Variants in SCN1A observed in about 807,000 individuals in gnomAD.
The protein encoded by SCN1A is sodium channel protein type 1 subunit alpha.
A neutral mutation model predicts 193.7 loss-of-function variants in SCN1A; 13 were observed. The observed-to-expected ratio is 0.07, with a 90% CI of 0.04 to 0.11. The LOEUF (loss-of-function observed/expected upper bound fraction) is 0.11. Among genes scored for constraint, SCN1A ranks in the 10% least tolerant of loss-of-function variants. The pLI is 1.00. For synonymous variants in SCN1A, 781 were observed against 843.6 expected (o/e 0.93, Z 1.29); for missense variants, 1,432 against 2,451.1 (o/e 0.58, Z 8.78).
chr2:166,072,876 C>A (rs1051685518), intron 4 of SCN1A, among the ~76,000 whole-genome samples: 1 of 120,440 alleles, frequency 8.3e-6, no homozygotes. Context: ...CTTGCTCTGT[C>A]TCCAGGCTGG....
chr2:166,073,746 C>T, intron 3 of SCN1A, 76 bp from the exon 4 acceptor site: 2 of 1,103,414 alleles, frequency 1.8e-6, no homozygotes, highest in Middle Eastern at 2.8e-4. Flanking sequence ...TGTCATGAAA[C>T]ATGAGCTAGA....
At chr2:166,002,281 C>G (rs1382383618) in intron 24 of SCN1A, among the ~76,000 whole-genome samples, 191 bp downstream of exon 24, 1 of 151,780 alleles carries the variant, frequency 6.6e-6, no homozygotes, top group African/African-American at 2.4e-5. Flanking sequence ...TCACTACTGA[C>G]TATATCTGCA....
intron 24 of SCN1A, among the ~76,000 whole-genome samples, chr2:166,001,005 C>T (rs1468681918): frequency 6.7e-6 from 1 of 148,892 alleles, no homozygotes; most frequent in African/African-American, 2.5e-5. Flanking sequence ...TTTAATTTTT[C>T]TTTCCTCAAA....
chr2:166,064,511 A>G (rs1352606864), intron 4 of SCN1A, among the ~76,000 whole-genome samples: 3 of 152,140 alleles, frequency 2.0e-5, no homozygotes, highest in Non-Finnish European at 4.4e-5. Context: ...TTATGTTATA[A>G]TGATTTGGTA....
At chr2:166,046,004 A>G (rs1281848719) in intron 12 of SCN1A, among the ~76,000 whole-genome samples, 1 of 152,200 alleles carries the variant, frequency 6.6e-6, no homozygotes, top group Non-Finnish European at 1.5e-5. Flanking sequence ...TTTTGATTAT[A>G]GCTTGTACTG....
chr2:166,074,450 T>C (rs2105988298), intron 3 of SCN1A, among the ~76,000 whole-genome samples: 1 of 137,442 alleles, frequency 7.3e-6, no homozygotes, highest in African/African-American at 2.9e-5. Context: ...GAAGTCAGGG[T>C]GCCATAAACT....
intron 11 of SCN1A, 25 bp downstream of exon 11, chr2:166,047,602 G>C: frequency 1.2e-6 from 2 of 1,612,186 alleles, no homozygotes; most frequent in Non-Finnish European, 1.7e-6. Flanking sequence ...TACTTAAATG[G>C]AGAGTGTGGC....
intron 16 of SCN1A, among the ~76,000 whole-genome samples, chr2:166,039,853 C>T: frequency 6.7e-6 from 1 of 149,500 alleles, no homozygotes; most frequent in East Asian, 2.0e-4. Context: ...GGTGAAATGG[C>T]TTGCTTGATA....
chr2:166,089,097 C>T (rs1172506404), intron 2 of SCN1A, among the ~76,000 whole-genome samples: 1 of 152,060 alleles, frequency 6.6e-6, no homozygotes, highest in African/African-American at 2.4e-5. Flanking sequence ...TATACACGTG[C>T]CTTGGTGGTT....
intron 14 of SCN1A, 104 bp downstream of exon 14, chr2:166,043,565 C>T (rs763105443): frequency 5.1e-5 from 67 of 1,319,460 alleles, no homozygotes; most frequent in Non-Finnish European, 6.6e-5. Context: ...GCATTCACAG[C>T]GTGACCAACC....
chr2:166,063,033 G>C (rs909680689), intron 4 of SCN1A, among the ~76,000 whole-genome samples: 2 of 152,044 alleles, frequency 1.3e-5, no homozygotes, highest in Non-Finnish European at 1.5e-5. Context: ...ACATTGACAT[G>C]ACTGGCTCCA....
In SCN1A at chr2:166,068,091, G is replaced by A. The variant is rs542309549; in HGVS notation, c.264+5267C>T. ...CTTGTGGAAGAGCCAGCCTGCAAAT[G>A]AAGCCAGCATGGGTGACAGCAGAGC... is the stretch of plus-strand genomic sequence containing the variant. On this transcript the variant is annotated intron_variant, in intron 4 of 28. Coordinates refer to ENST00000674923, the MANE Select transcript of SCN1A (RefSeq NM_001165963.4). Among the ~76,000 whole-genome samples the A allele has an allele frequency of 2.7e-4, 41 of 152,308 alleles. 1 individual carries two copies. In the South Asian group the frequency reaches 7.7e-3, roughly 28 times the overall value.
chr2:165,997,717 C>A (rs745402616), intron 26 of SCN1A, among the ~76,000 whole-genome samples: 33 of 151,150 alleles, frequency 2.2e-4, no homozygotes, highest in South Asian at 4.1e-4. Context: ...TAACAAATTG[C>A]TTTTGGGAAA....
intron 12 of SCN1A, 22 bp downstream of exon 12, chr2:166,046,748 C>T (rs1277934750): frequency 6.2e-7 from 1 of 1,611,446 alleles, no homozygotes; most frequent in Non-Finnish European, 8.5e-7. Flanking sequence ...AAGGTCAGTG[C>T]CATGAGACAG....
intron 2 of SCN1A, among the ~76,000 whole-genome samples, chr2:166,094,856 A>G (rs1327611070): frequency 6.9e-5 from 10 of 145,256 alleles, no homozygotes; most frequent in Admixed American, 6.9e-4. Flanking sequence ...GGATCTATCT[A>G]TGTAACCCTC....
chr2:166,059,944 G>C (rs1043428327), intron 4 of SCN1A, among the ~76,000 whole-genome samples: 1 of 150,760 alleles, frequency 6.6e-6, no homozygotes, highest in African/African-American at 2.4e-5. Flanking sequence ...GTGAAAGTAT[G>C]GTCCCCCAAC....
intron 17 of SCN1A, among the ~76,000 whole-genome samples, 194 bp downstream of exon 17, chr2:166,039,229 G>A (rs1161570690): frequency 6.6e-6 from 1 of 152,114 alleles, no homozygotes; most frequent in Non-Finnish European, 1.5e-5. Context: ...ACGTAACTAT[G>A]TTCTTTGAAA....
intron 19 of SCN1A, among the ~76,000 whole-genome samples, chr2:166,018,865 A>G (rs1418614756): frequency 6.6e-6 from 1 of 152,188 alleles, no homozygotes; most frequent in Non-Finnish European, 1.5e-5. Flanking sequence ...TACCCATATT[A>G]CATTGGTAAC....
At chr2:165,996,199 T>TA (rs1039811834) in intron 26 of SCN1A, 82 bp from the exon 27 acceptor site, 5 of 842,100 alleles carry the variant, frequency 5.9e-6, no homozygotes, top group Middle Eastern at 7.2e-4. Flanking sequence ...AATGGATGGC[T>TA]AAAAAAAGAA....
Sources: gnomAD v4.1 joint callset for allele counts (sites outside exome capture counted in the v4.1 genomes callset) on GRCh38, gnomAD v4.1.1 for gene constraint, MANE v1.5 for transcripts, NCBI Gene and HGNC (gene_info 2026-07-23, HGNC 2026-07-21) for gene names.